Variants in HUNK observed in about 807,000 individuals in gnomAD.
HUNK encodes the protein hormonally up-regulated neu tumor-associated kinase.
HUNK carries 21 observed loss-of-function variants against 61.0 expected under a neutral mutation model. The ratio of observed to expected loss-of-function variants is 0.34; its 90% confidence interval spans 0.24 to 0.50. HUNK has a LOEUF of 0.50. Ranked by LOEUF, HUNK falls within the 20% of genes least tolerant of loss-of-function variation. The pLI is 0.98. For synonymous variants in HUNK, 371 were observed against 386.1 expected, an observed-to-expected ratio of 0.96 and a Z score of 0.46; for missense variants, 772 against 945.7, an observed-to-expected ratio of 0.82 and a Z score of 2.41.
rs768342149 is a variant in HUNK, at chr21:31,946,133, C to G, written c.708C>G (p.Ala236=). 2 of 1,613,138 alleles carry G rather than the reference C, an allele frequency of 1.2e-6. No homozygotes were observed. The highest frequency in any genetic ancestry group is 1.7e-6 in the Non-Finnish European group (2 of 1,179,186). Residue 236 remains alanine, a synonymous_variant, in exon 4 of 11, where the codon GCC becomes GCG. Transcript: ENST00000270112. ...SPAYAAPELL[A]RKKYGPKIDV... is the part of the protein sequence containing the mutation. ...CCTACGCTGCACCTGAACTGCTCGC[C>G]AGGAAGAAATACGGCCCCAAAATCG... is the stretch of plus-strand genomic sequence containing the variant.
intron 1 of HUNK, among the ~76,000 whole-genome samples, chr21:31,917,248 A>G (rs1203871756): frequency 1.3e-5 from 2 of 151,964 alleles, no homozygotes; most frequent in Non-Finnish European, 2.9e-5. Flanking sequence ...GCTTGAGTGC[A>G]GTGGTGAGAT....
rs182026544 is a variant in HUNK, at chr21:31,965,175, T to A, written c.875-3075T>A. Among the ~76,000 whole-genome samples, 507 of 152,258 alleles carry A rather than the reference T, an allele frequency of 3.3e-3. 6 individuals carry two copies. Among genetic ancestry groups the A allele is most frequent in the African/African-American group, 0.012 (489 of 41,532 alleles). ...ACATGGATGGAGCTGGAGGCCATCA[T>A]CCTTAGCAAACTAACACGGGAACAG... On this transcript the variant is annotated intron_variant, in intron 5 of 10. Coordinates refer to ENST00000270112, the MANE Select transcript of HUNK (RefSeq NM_014586.2).
intron 1 of HUNK, among the ~76,000 whole-genome samples, chr21:31,896,371 T>G (rs1187819575): frequency 6.6e-6 from 1 of 152,216 alleles, no homozygotes; most frequent in Non-Finnish European, 1.5e-5. Context: ...TCAGTAACTT[T>G]TTCCTCTGGG....
rs150045806 is a variant in HUNK at position 31,981,465 on chromosome 21, A to C, written c.1174-2061A>C. ...TTGCTTAGTATAGTATGGACATTTT[A>C]ATCATATTAATTCTTCCAATCTGTG... is the stretch of plus-strand genomic sequence containing the variant. On this transcript the variant is annotated intron_variant, in intron 7 of 10. Coordinates refer to ENST00000270112, the MANE Select transcript of HUNK (RefSeq NM_014586.2). 5.9e-4 allele frequency among the ~76,000 whole-genome samples: 90 copies of C among 151,778 alleles called. 1 individual carries two copies. In the Middle Eastern group the frequency reaches 0.014, roughly 23 times the overall value.
chr21:31,874,059 C>A, intron 1 of HUNK, 124 bp downstream of exon 1: 1 of 703,326 alleles, frequency 1.4e-6, no homozygotes, highest in Non-Finnish European at 2.0e-6. Flanking sequence ...TCCCCCTCCG[C>A]CCGGCTTTCC....
chr21:31,979,762 A>T (rs1161394231), intron 7 of HUNK, among the ~76,000 whole-genome samples: 2 of 148,976 alleles, frequency 1.3e-5, no homozygotes, highest in Admixed American at 6.7e-5. Context: ...TGATCTGCCC[A>T]CCTTGGCCTC....
chr21:31,914,560 A>G (rs1246484894), intron 1 of HUNK, among the ~76,000 whole-genome samples: 1 of 152,108 alleles, frequency 6.6e-6, no homozygotes, highest in Non-Finnish European at 1.5e-5. Flanking sequence ...TCAGGCTGCC[A>G]CAACAAAATA....
intron 1 of HUNK, among the ~76,000 whole-genome samples, chr21:31,909,215 G>T (rs1046788054): frequency 6.6e-6 from 1 of 152,150 alleles, no homozygotes; most frequent in African/African-American, 2.4e-5. Flanking sequence ...AAGCCCCACC[G>T]TTGTCTGTAC....
At chr21:31,906,780 G>A (rs1186342842) in intron 1 of HUNK, among the ~76,000 whole-genome samples, 8 of 152,114 alleles carry the variant, frequency 5.3e-5, no homozygotes, top group South Asian at 2.1e-4. Context: ...CAGCTGGTCC[G>A]TGGGCTCAGA....
At chr21:31,903,898 A>G (rs1420912037) in intron 1 of HUNK, among the ~76,000 whole-genome samples, 1 of 152,198 alleles carries the variant, frequency 6.6e-6, no homozygotes. Flanking sequence ...GAAAGTCATT[A>G]GTTTCTTCTT....
At chr21:31,922,141 T>C (rs1307951498) in intron 1 of HUNK, among the ~76,000 whole-genome samples, 23 of 144,496 alleles carry the variant, frequency 1.6e-4, no homozygotes, top group East Asian at 8.7e-4. Context: ...CTCAGCCTCC[T>C]GAGTAGCTGG....
At chr21:31,958,995 A>G in intron 5 of HUNK, 25 bp downstream of exon 5, 1 of 1,560,884 alleles carries the variant, frequency 6.4e-7, no homozygotes, top group Non-Finnish European at 8.7e-7. Context: ...GCTCTAGATC[A>G]CGGTTCAGGA....
chr21:31,977,701 A>G (rs1330606082), intron 7 of HUNK, among the ~76,000 whole-genome samples: 2 of 152,188 alleles, frequency 1.3e-5, no homozygotes, highest in East Asian at 3.9e-4. Context: ...AAACCAAAAC[A>G]AAACACAACA....
chr21:31,922,715 A>G (rs779706483), intron 1 of HUNK, among the ~76,000 whole-genome samples: 6 of 152,116 alleles, frequency 3.9e-5, no homozygotes, highest in Admixed American at 1.3e-4. Context: ...TTTTTTCTTT[A>G]TCATGAACTA....
chr21:31,998,315 C>G (rs1296077421), intron 10 of HUNK, among the ~76,000 whole-genome samples: 1 of 152,164 alleles, frequency 6.6e-6, no homozygotes, highest in African/African-American at 2.4e-5. Context: ...AGCCCTCTGT[C>G]CCTCCATCCT....
At chr21:31,976,502 T>C (rs1355258706) in intron 7 of HUNK, among the ~76,000 whole-genome samples, 2 of 145,624 alleles carry the variant, frequency 1.4e-5, no homozygotes, top group Non-Finnish European at 1.5e-5. Context: ...AGTCTTTCTC[T>C]GTCGCCTAGG....
At position 31,999,986 on chromosome 21, in the gene HUNK, T is replaced by C. The variant is rs1312741598; in HGVS notation, c.*802T>C. The C allele has an allele frequency of 2.5e-6, 1 of 396,364 alleles. No individual in the cohort carries two copies. The highest frequency in any genetic ancestry group is 2.1e-5 in the African/African-American group (1 of 48,370). The allele number at this position is 396,364 out of a possible 1,614,324, so 24.6% of individuals were successfully genotyped here. On this transcript the variant is annotated 3_prime_UTR_variant, in exon 11 of 11. Coordinates refer to ENST00000270112, the MANE Select transcript of HUNK (RefSeq NM_014586.2). ...CTCATGTTTTCACAGGAGGGTTCAG[T>C]GTGGAGAGCAAAAAAGCTGACTGTG...
chr21:31,984,741 T>C (rs1017330852), intron 8 of HUNK, among the ~76,000 whole-genome samples: 1 of 152,200 alleles, frequency 6.6e-6, no homozygotes, highest in Non-Finnish European at 1.5e-5. Context: ...TCTCAGTGAT[T>C]TTCCTGGGAA....
chr21:31,927,127 G>A lies in HUNK; in HGVS notation c.554+2367G>A, dbSNP rs574144405. 5.3e-5 allele frequency among the ~76,000 whole-genome samples: 8 copies of A among 151,762 alleles called. No homozygotes were observed. In the South Asian group the frequency reaches 1.0e-3, roughly 20 times the overall value. On this transcript the variant is annotated intron_variant, in intron 2 of 10. Coordinates refer to ENST00000270112, the MANE Select transcript of HUNK (RefSeq NM_014586.2). ...ACAATCTCGGCTCACTGCAACTTCC[G>A]CCTTCCGGGTTCAAGAGATTCTACT...
Sources: allele counts gnomAD v4.1 joint callset (sites outside exome capture counted in the v4.1 genomes callset), GRCh38; gene constraint gnomAD v4.1.1; transcripts MANE v1.5; gene names NCBI Gene and HGNC (gene_info 2026-07-23, HGNC 2026-07-21).